AK9: variants seen among roughly 807,000 people sequenced by gnomAD.
AK9 encodes the protein adenylate kinase 9, also known as adenylate kinase domain containing 1.
AK9 carries 191 observed loss-of-function variants against 239.6 expected under a neutral mutation model. The observed-to-expected ratio is 0.80, with a 90% CI of 0.71 to 0.90. The LOEUF (loss-of-function observed/expected upper bound fraction) is 0.90. Among genes scored for constraint, AK9 ranks in the 40% least tolerant of loss-of-function variants. The pLI, the probability that AK9 is intolerant of heterozygous loss-of-function variation, is 0.00. For missense variants in AK9, 1,995 were observed against 2,214.7 expected (o/e 0.90, Z 1.99); for synonymous variants, 689 against 721.0 (o/e 0.96, Z 0.71).
At chr6:109,556,228 C>T (rs1024124696) in intron 24 of AK9, among the ~76,000 whole-genome samples, 27 of 152,124 alleles carry the variant, frequency 1.8e-4, no homozygotes, top group African/African-American at 6.5e-4. Context: ...AATCCCTCAG[C>T]ATTTGCTTGT....
At chr6:109,649,190 G>A (rs893551994) in intron 8 of AK9, among the ~76,000 whole-genome samples, 5 of 152,210 alleles carry the variant, frequency 3.3e-5, no homozygotes, top group African/African-American at 1.2e-4. Context: ...ACAAGACAGG[G>A]ATGCCCTCTC....
At chr6:109,684,912 A>AAAAAAAAAAAAAT (rs1183838812) in intron 1 of AK9, among the ~76,000 whole-genome samples, 1 of 136,498 alleles carries the variant, frequency 7.3e-6, no homozygotes, top group Non-Finnish European at 1.6e-5. Context: ...AAAAAAAAAA[A>AAAAAAAAAAAAAT]GTAGGCAAAG....
chr6:109,641,349 C>CTTTTTTTTTT (rs913203723), intron 10 of AK9, among the ~76,000 whole-genome samples, 169 bp downstream of exon 10: 8 of 124,390 alleles, frequency 6.4e-5, no homozygotes, highest in South Asian at 2.6e-4. Flanking sequence ...TTCTTTCTTT[C>CTTTTTTTTTT]TTTTTTTTTT....
At chr6:109,526,490 G>A (rs1250936515) in intron 29 of AK9, among the ~76,000 whole-genome samples, 1 of 152,046 alleles carries the variant, frequency 6.6e-6, no homozygotes, top group Non-Finnish European at 1.5e-5. Flanking sequence ...CTAGATTTGG[G>A]GTAAGCTGTG....
intron 17 of AK9, among the ~76,000 whole-genome samples, chr6:109,604,366 T>C (rs574198343): frequency 5.2e-4 from 79 of 152,360 alleles, no homozygotes; most frequent in South Asian, 1.2e-3. Flanking sequence ...TTAAATAAAA[T>C]ATCATTTTTA....
At chr6:109,495,548 C>G in intron 38 of AK9, 108 bp from the exon 39 acceptor site, 1 of 718,786 alleles carries the variant, frequency 1.4e-6, no homozygotes, top group Non-Finnish European at 2.1e-6. Context: ...TTTTTCTGCA[C>G]TGGAGAAAAT....
chr6:109,586,673 G>T (rs1789543997), intron 17 of AK9, among the ~76,000 whole-genome samples: 1 of 152,072 alleles, frequency 6.6e-6, no homozygotes. Flanking sequence ...AGAGCTAAAA[G>T]GTACTGAGAT....
intron 10 of AK9, among the ~76,000 whole-genome samples, chr6:109,634,454 G>A (rs562198842): frequency 3.7e-4 from 56 of 152,306 alleles, no homozygotes; most frequent in African/African-American, 1.2e-3. Flanking sequence ...AATGAAGAGA[G>A]TGGGCAATGG....
intron 8 of AK9, among the ~76,000 whole-genome samples, chr6:109,647,741 A>G (rs1168828289): frequency 6.6e-6 from 1 of 152,230 alleles, no homozygotes; most frequent in Admixed American, 6.5e-5. Context: ...AAGCAGATCT[A>G]ATAGACATCT....
chr6:109,647,039 T>A (rs1170700648), intron 8 of AK9, among the ~76,000 whole-genome samples: 2 of 152,188 alleles, frequency 1.3e-5, no homozygotes, highest in Non-Finnish European at 1.5e-5. Flanking sequence ...AAGCAAATGC[T>A]GAGAGATTTT....
At chr6:109,583,869 A>C (rs769477598) in intron 19 of AK9, among the ~76,000 whole-genome samples, 27 of 152,286 alleles carry the variant, frequency 1.8e-4, no homozygotes, top group Non-Finnish European at 2.6e-4. Context: ...TTATGTTGAG[A>C]TCTCCATCTG....
chr6:109,662,633 G>GAAAAAA lies in AK9; in HGVS notation c.361_362insTTTTTT (p.Leu120_Ser121insPhePhe). On this transcript the variant is annotated inframe_insertion, in exon 6 of 41. Transcript: ENST00000424296. ...CTGTAAGGTAGTCATGGCATCCTGT[G>GAAAAAA]AAAGTGATGGTATTTCAGTGATAAT... 1 of 1,577,828 alleles carries GAAAAAA rather than the reference G, an allele frequency of 6.3e-7. No homozygotes were observed. Among genetic ancestry groups the GAAAAAA allele is most frequent in the Non-Finnish European group, 8.6e-7 (1 of 1,161,568 alleles).
intron 10 of AK9, among the ~76,000 whole-genome samples, chr6:109,640,301 G>A (rs1170888848): frequency 6.6e-6 from 1 of 152,176 alleles, no homozygotes; most frequent in Admixed American, 6.5e-5. Flanking sequence ...CACAGTATTT[G>A]TGGGGAGTGT....
At chr6:109,662,841 G>C (rs1210726063) in intron 5 of AK9, among the ~76,000 whole-genome samples, 178 bp from the exon 6 acceptor site, 1 of 151,720 alleles carries the variant, frequency 6.6e-6, no homozygotes, top group African/African-American at 2.4e-5. Context: ...GTGTAACTAT[G>C]AATAATGTTT....
chr6:109,616,622 C>G (rs377619916), intron 13 of AK9, among the ~76,000 whole-genome samples: 1 of 151,974 alleles, frequency 6.6e-6, no homozygotes, highest in South Asian at 2.1e-4. Flanking sequence ...AGAGATCGTC[C>G]CACTTTGGCT....
intron 5 of AK9, 50 bp downstream of exon 5, chr6:109,671,869 T>G: frequency 9.1e-4 from 1,389 of 1,530,196 alleles, no homozygotes; most frequent in Non-Finnish European, 1.1e-3. Flanking sequence ...AGATAAAGCA[T>G]GAGTTTTAAG....
intron 32 of AK9, among the ~76,000 whole-genome samples, chr6:109,510,718 C>T (rs146903290): frequency 7.2e-5 from 11 of 152,328 alleles, no homozygotes; most frequent in Non-Finnish European, 1.2e-4. Flanking sequence ...TGTCTGCCTA[C>T]CTCATTCTTC....
chr6:109,576,569 T>C (rs770879834), intron 20 of AK9, among the ~76,000 whole-genome samples: 13 of 152,020 alleles, frequency 8.6e-5, no homozygotes, highest in Non-Finnish European at 1.5e-4. Context: ...TTATCAGATC[T>C]AGGAGCTTTT....
intron 32 of AK9, among the ~76,000 whole-genome samples, chr6:109,512,946 C>T (rs1432112887): frequency 6.6e-6 from 1 of 152,212 alleles, no homozygotes; most frequent in East Asian, 1.9e-4. Context: ...TCACTGTAGC[C>T]TCAATTTCCT....
Sources: gnomAD v4.1 joint callset for allele counts (sites outside exome capture counted in the v4.1 genomes callset) on GRCh38, gnomAD v4.1.1 for gene constraint, MANE v1.5 for transcripts, NCBI Gene and HGNC (gene_info 2026-07-23, HGNC 2026-07-21) for gene names.